XPA: variants seen among roughly 807,000 people sequenced by gnomAD.
The protein encoded by XPA is XPA, DNA damage recognition and repair factor, also known as DNA repair protein complementing XP-A cells.
A neutral mutation model predicts 35.7 loss-of-function variants in XPA; 27 were observed. The observed-to-expected ratio is 0.76, with a 90% CI of 0.56 to 1.04. XPA has a LOEUF of 1.04. Ranked by LOEUF, XPA falls within the 50% of genes least tolerant of loss-of-function variation. The pLI is 0.00. For missense variants in XPA, 354 were observed against 342.7 expected (o/e 1.03, Z -0.26); for synonymous variants, 133 against 118.4 (o/e 1.12, Z -0.80).
chr9:97,661,941 C>T, the XPA span: 8,890 of 642,268 alleles, frequency 0.014, 597 homozygotes, highest in African/African-American at 0.14. Context: ...ACACAAATAT[C>T]TGTGTATAGA....
downstream of XPA, among the ~76,000 whole-genome samples, chr9:97,674,553 T>A (rs1251244622): frequency 6.6e-6 from 1 of 152,238 alleles, no homozygotes; most frequent in African/African-American, 2.4e-5. Context: ...AAATAATGCA[T>A]AGACCCAATA....
downstream of XPA, chr9:97,671,043 A>G (rs749376088): frequency 2.3e-6 from 3 of 1,320,066 alleles, no homozygotes; most frequent in South Asian, 2.4e-5. Context: ...GATTGCTTAT[A>G]TGCTTTTTCC....
chr9:97,657,925 TA>T, the XPA span, among the ~76,000 whole-genome samples: 2,301 of 116,814 alleles, frequency 0.02, 22 homozygotes, highest in East Asian at 0.032. Flanking sequence ...TATATATATA[TA>T]TTTTTTTTTT....
intron 3 of XPA, among the ~76,000 whole-genome samples, chr9:97,688,358 C>G (rs1013403128): frequency 4.1e-4 from 62 of 152,142 alleles, no homozygotes; most frequent in African/African-American, 1.4e-3. Flanking sequence ...TCGCATGTCC[C>G]TCTGACTCTC....
the XPA span, among the ~76,000 whole-genome samples, chr9:97,659,816 T>C: frequency 6.6e-6 from 1 of 152,244 alleles, no homozygotes; most frequent in Non-Finnish European, 1.5e-5. Context: ...TAGGAATAAC[T>C]CCGCCTAACA....
chr9:97,697,300 C>T lies in XPA; in HGVS notation c.-8G>A, dbSNP rs1829090060. 6.3e-7 allele frequency: 1 copy of T among 1,597,440 alleles called. No individual in the cohort carries two copies. The highest frequency in any genetic ancestry group is 8.5e-7 in the Non-Finnish European group (1 of 1,179,190). ...CCCGTCGGCCGCCGCCATCTCTGGC[C>T]CACTCCGAGGACCTAGCTCCCAGCT... On this transcript the variant is annotated 5_prime_UTR_variant, in exon 1 of 6. Coordinates refer to ENST00000375128, the MANE Select transcript of XPA (RefSeq NM_000380.4).
At chr9:97,672,172 A>G (rs1222589081), downstream of XPA, 1 of 152,198 alleles carries the variant, frequency 6.6e-6, no homozygotes, top group Non-Finnish European at 1.5e-5. Flanking sequence ...GTAAAATAAT[A>G]CACAAATATG....
At position 97,675,119 on chromosome 9, in the gene XPA, T is replaced by A. The variant is rs180913672; in HGVS notation, c.*320A>T. On this transcript the variant is annotated 3_prime_UTR_variant, in exon 6 of 6. Transcript: ENST00000375128. ...TTGAACCCTTTTCCCTCTACCCCAATCTAGGGTTTGCCTTGGTATCTTGTC... is the reference window on the plus strand; with the variant it reads ...TTGAACCCTTTTCCCTCTACCCCAAACTAGGGTTTGCCTTGGTATCTTGTC... The A allele has an allele frequency of 1.8e-6, 1 of 551,194 alleles. No homozygotes were observed. Among genetic ancestry groups the A allele is most frequent in the Non-Finnish European group, 3.5e-6 (1 of 288,606 alleles). The allele number at this position is 551,194 out of a possible 1,614,324, so 34.1% of individuals were successfully genotyped here. A position where few individuals can be genotyped will look rare whatever the true frequency, so the allele number is the denominator to read the frequency against.
At chr9:97,682,147 A>G (rs1828562895) in intron 5 of XPA, 5 of 388,424 alleles carry the variant, frequency 1.3e-5, no homozygotes, top group South Asian at 7.9e-5. Flanking sequence ...TCAATTCTCA[A>G]ACTGCTAAAG....
At chr9:97,655,608 C>T in the XPA span, 6 of 930,222 alleles carry the variant, frequency 6.5e-6, no homozygotes, top group South Asian at 1.8e-5. Context: ...TCTGTAAAGT[C>T]GGGTTTTATC....
downstream of XPA, chr9:97,673,495 A>G (rs1053068647): frequency 3.3e-5 from 5 of 152,182 alleles, no homozygotes; most frequent in Admixed American, 2.6e-4. Context: ...TTCATGTATA[A>G]TGGTTGCTTT....
the XPA span, chr9:97,661,149 C>T: frequency 6.5e-7 from 1 of 1,547,498 alleles, no homozygotes; most frequent in South Asian, 1.1e-5. Context: ...CAACATGATG[C>T]TCTTAAAGCA....
chr9:97,667,381 T>G, the XPA span, among the ~76,000 whole-genome samples: 2 of 152,150 alleles, frequency 1.3e-5, no homozygotes, highest in Non-Finnish European at 2.9e-5. Flanking sequence ...TATGAAAGTA[T>G]TTTCCAGTGT....
At chr9:97,665,663 C>T in the XPA span, among the ~76,000 whole-genome samples, 2 of 152,150 alleles carry the variant, frequency 1.3e-5, no homozygotes, top group Non-Finnish European at 2.9e-5. Flanking sequence ...TTATTATCTT[C>T]CACTTAAACT....
chr9:97,662,001 T>C, the XPA span: 4 of 1,423,860 alleles, frequency 2.8e-6, no homozygotes, highest in Non-Finnish European at 4.0e-6. Flanking sequence ...AAGGAATTGC[T>C]GTGCTTACAT....
chr9:97,693,358 T>TTTA (rs374951217), intron 2 of XPA, among the ~76,000 whole-genome samples: 59 of 152,284 alleles, frequency 3.9e-4, no homozygotes, highest in South Asian at 3.7e-3. Flanking sequence ...TTTTGAGTAT[T>TTTA]TATTCTACCA....
intron 5 of XPA, 40 bp downstream of exon 5, chr9:97,684,883 T>G: frequency 6.4e-7 from 1 of 1,550,636 alleles, no homozygotes; most frequent in Non-Finnish European, 8.9e-7. Context: ...TGCAAAATGG[T>G]AAAACACAAT....
At chr9:97,693,593 T>C in intron 2 of XPA, 56 bp downstream of exon 2, 1 of 1,415,056 alleles carries the variant, frequency 7.1e-7, no homozygotes, top group Non-Finnish European at 1.0e-6. Flanking sequence ...CATAGAATTA[T>C]GCATGTTACT....
intron 5 of XPA, among the ~76,000 whole-genome samples, chr9:97,681,618 G>A (rs1352917399): frequency 6.6e-6 from 1 of 152,116 alleles, no homozygotes; most frequent in African/African-American, 2.4e-5. Flanking sequence ...CTAAAGAAAT[G>A]CCTTATCTCT....
Sources: allele counts gnomAD v4.1 joint callset (sites outside exome capture counted in the v4.1 genomes callset), GRCh38; gene constraint gnomAD v4.1.1; transcripts MANE v1.5; gene names NCBI Gene and HGNC (gene_info 2026-07-23, HGNC 2026-07-21).